SPRR2G: variants seen among roughly 807,000 people sequenced by gnomAD.
SPRR2G encodes small proline rich protein 2G.
Under a neutral mutation model 0.7 loss-of-function variants are expected in SPRR2G, and 1 was observed. The observed-to-expected ratio is 1.49, with a 90% confidence interval of 0.53 to 7.06. The LOEUF (loss-of-function observed/expected upper bound fraction) is 7.06, where lower values mean the gene tolerates loss of function less well. Among genes scored for constraint, SPRR2G ranks in the 30% most tolerant of loss-of-function variants. The probability of loss-of-function intolerance (pLI) is 0.14; values close to 1 mark genes in which losing one functional copy is unlikely to be tolerated. For synonymous variants in SPRR2G, 38 were observed against 33.9 expected, an observed-to-expected ratio of 1.12 and a Z score of -0.42; for missense variants, 96 against 88.5, an observed-to-expected ratio of 1.09 and a Z score of -0.34.
the SPRR2G span, chr1:153,191,076 T>C: frequency 5.9e-5 from 9 of 152,378 alleles, no homozygotes; most frequent in African/African-American, 2.2e-4. Flanking sequence ...CAAGGGGACC[T>C]GGTTCAAGTC....
At chr1:153,187,671 G>A in the SPRR2G span, among the ~76,000 whole-genome samples, 1 of 152,026 alleles carries the variant, frequency 6.6e-6, no homozygotes, top group East Asian at 1.9e-4. Context: ...AGAGGAGTTT[G>A]TTATTACCAA....
chr1:153,201,159 C>T, the SPRR2G span, among the ~76,000 whole-genome samples: 1 of 152,148 alleles, frequency 6.6e-6, no homozygotes, highest in African/African-American at 2.4e-5. Context: ...AGTAGTAGTT[C>T]CTTCCAGCCA....
At chr1:153,194,456 A>T in the SPRR2G span, among the ~76,000 whole-genome samples, 3 of 152,320 alleles carry the variant, frequency 2.0e-5, no homozygotes, top group Non-Finnish European at 2.9e-5. Flanking sequence ...TACTGGCCTG[A>T]GAAGAGGGTG....
rs1656422380 is a variant in SPRR2G at position 153,149,918 on chromosome 1, G to A, written c.193C>T (p.Gln65Ter). The change falls in exon 2 of 2, where the codon CAG becomes TAG. Residue 65 changes from glutamine (Q) to a stop codon, truncating the protein, a stop_gained. Transcript: ENST00000368748. LOFTEE classifies it high-confidence loss of function. ...CPPVQPYPPC[Q>*]QKYPPKSK is the part of the protein sequence containing the mutation. ...TTGCTCTTGGGTGGATACTTCTGCT[G>A]GCAGGGTGGGTATGGTTGCACAGGA... 2.5e-6 allele frequency: 4 copies of A among 1,613,962 alleles called. No homozygotes were observed. The South Asian group carries it at 4.4e-5, about 18-fold the overall frequency.
the SPRR2G span, among the ~76,000 whole-genome samples, chr1:153,182,934 G>A: frequency 6.6e-6 from 1 of 152,088 alleles, no homozygotes; most frequent in African/African-American, 2.4e-5. Context: ...GGTATTTCTG[G>A]TTAGAGATCT....
the SPRR2G span, among the ~76,000 whole-genome samples, chr1:153,170,147 A>G: frequency 6.6e-6 from 1 of 152,200 alleles, no homozygotes; most frequent in Non-Finnish European, 1.5e-5. Context: ...TTCTTCGAGT[A>G]TGTATTTGGA....
At chr1:153,188,865 G>A in the SPRR2G span, among the ~76,000 whole-genome samples, 9 of 152,284 alleles carry the variant, frequency 5.9e-5, no homozygotes, top group Admixed American at 2.0e-4. Context: ...TATCTGGGCC[G>A]GGTAGCACAG....
the SPRR2G span, chr1:153,174,531 C>T: frequency 6.6e-6 from 1 of 152,482 alleles, no homozygotes; most frequent in Non-Finnish European, 1.5e-5. Context: ...AGCCACCACC[C>T]CTGCCAGCAA....
the SPRR2G span, among the ~76,000 whole-genome samples, chr1:153,173,640 G>T: frequency 6.6e-6 from 1 of 152,138 alleles, no homozygotes; most frequent in South Asian, 2.1e-4. Flanking sequence ...TCCTTGGTTG[G>T]ACTGAAATGT....
At chr1:153,155,267 C>G (rs1571028032), upstream of SPRR2G, among the ~76,000 whole-genome samples, 1 of 152,174 alleles carries the variant, frequency 6.6e-6, no homozygotes, top group Non-Finnish European at 1.5e-5. Context: ...TCCTCAAGTA[C>G]CAACAAGCTG....
At chr1:153,199,791 T>C in the SPRR2G span, among the ~76,000 whole-genome samples, 2 of 152,156 alleles carry the variant, frequency 1.3e-5, no homozygotes, top group Non-Finnish European at 2.9e-5. Context: ...AGCATGATTC[T>C]AAAAGTCAAG....
upstream of SPRR2G, among the ~76,000 whole-genome samples, chr1:153,152,539 C>T (rs536524697): frequency 6.6e-6 from 1 of 152,298 alleles, no homozygotes; most frequent in South Asian, 2.1e-4. Context: ...TTGAGCCCTA[C>T]TATTAAATTC....
At chr1:153,171,694 T>C in the SPRR2G span, among the ~76,000 whole-genome samples, 1 of 152,198 alleles carries the variant, frequency 6.6e-6, no homozygotes, top group Non-Finnish European at 1.5e-5. Flanking sequence ...ACCTCTCAAC[T>C]TCACAGCTGC....
upstream of SPRR2G, among the ~76,000 whole-genome samples, chr1:153,154,641 T>C (rs1170368068): frequency 6.6e-6 from 1 of 152,210 alleles, no homozygotes; most frequent in Non-Finnish European, 1.5e-5. Context: ...TATTGCTATA[T>C]AGTTGTTCAT....
At chr1:153,153,923 T>A (rs1047849384), upstream of SPRR2G, among the ~76,000 whole-genome samples, 1 of 152,144 alleles carries the variant, frequency 6.6e-6, no homozygotes, top group African/African-American at 2.4e-5. Context: ...AAGCTTTTAA[T>A]TTTTCACCCT....
the SPRR2G span, among the ~76,000 whole-genome samples, chr1:153,158,333 A>G: frequency 1.3e-5 from 2 of 152,232 alleles, no homozygotes; most frequent in Admixed American, 1.3e-4. Context: ...ATTGGCCAAA[A>G]CAAAGGAGCC....
the SPRR2G span, among the ~76,000 whole-genome samples, chr1:153,185,908 A>C: frequency 6.6e-6 from 1 of 152,086 alleles, no homozygotes; most frequent in African/African-American, 2.4e-5. Context: ...ATTCTGGTAC[A>C]TTGTGCCTTT....
chr1:153,165,257 G>T, the SPRR2G span, among the ~76,000 whole-genome samples: 1 of 152,034 alleles, frequency 6.6e-6, no homozygotes, highest in Non-Finnish European at 1.5e-5. Context: ...TCTAAATATT[G>T]ATAGATATTG....
chr1:153,198,837 A>G, the SPRR2G span, among the ~76,000 whole-genome samples: 3 of 152,156 alleles, frequency 2.0e-5, no homozygotes, highest in African/African-American at 7.2e-5. Context: ...CAGAGCTGGT[A>G]CTTTCAGCAA....
Sources: gnomAD v4.1 joint callset for allele counts (sites outside exome capture counted in the v4.1 genomes callset) on GRCh38, gnomAD v4.1.1 for gene constraint, MANE v1.5 for transcripts, NCBI Gene and HGNC (gene_info 2026-07-23, HGNC 2026-07-21) for gene names.